Variants in RBFOX1 observed in about 807,000 individuals in gnomAD.
RBFOX1 encodes RNA binding protein fox-1 homolog 1.
RBFOX1 carries 8 observed loss-of-function variants against 57.7 expected under a neutral mutation model. That is an observed-to-expected ratio of 0.14 (90% CI 0.08 to 0.25). The LOEUF is 0.25. Among genes scored for constraint, RBFOX1 ranks in the 10% least tolerant of loss-of-function variants. The pLI is 1.00. For synonymous variants in RBFOX1, 326 were observed against 222.4 expected, an observed-to-expected ratio of 1.47 and a Z score of -4.15; for missense variants, 611 against 548.5, an observed-to-expected ratio of 1.11 and a Z score of -1.14.
At chr16:6,762,688 G>A (rs189965789) in intron 3 of RBFOX1, among the ~76,000 whole-genome samples, 159 of 152,244 alleles carry the variant, frequency 1.0e-3, no homozygotes, top group African/African-American at 3.7e-3. Flanking sequence ...TTTGTTTTGG[G>A]CCCCAGTGAT....
intron 3 of RBFOX1, among the ~76,000 whole-genome samples, chr16:5,841,476 C>G (rs567580423): frequency 6.6e-6 from 1 of 152,150 alleles, no homozygotes; most frequent in Non-Finnish European, 1.5e-5. Context: ...GTCCCTCCCA[C>G]AAAAAATTGC....
chr16:7,026,833 TG>T (rs754387904), intron 3 of RBFOX1, among the ~76,000 whole-genome samples: 22 of 152,366 alleles, frequency 1.4e-4, no homozygotes, highest in African/African-American at 2.2e-4. Context: ...CCTGCTGATC[TG>T]GACATTCCAG....
chr16:6,069,667 T>C (rs996262640), intron 1 of RBFOX1, among the ~76,000 whole-genome samples: 1 of 152,164 alleles, frequency 6.6e-6, no homozygotes, highest in Non-Finnish European at 1.5e-5. Flanking sequence ...AATGAAGTGG[T>C]TATAATCTTA....
chr16:6,327,212 T>G (rs140889567), intron 2 of RBFOX1, among the ~76,000 whole-genome samples: 1 of 152,170 alleles, frequency 6.6e-6, no homozygotes, highest in African/African-American at 2.4e-5. Context: ...CTGAAGCTGC[T>G]TAAGCATTGT....
chr16:6,927,822 A>G (rs933702946), intron 3 of RBFOX1, among the ~76,000 whole-genome samples: 4 of 152,226 alleles, frequency 2.6e-5, no homozygotes, highest in Admixed American at 2.0e-4. Flanking sequence ...GAAGCCTAAC[A>G]CTGAAGGAAA....
chr16:7,426,071 C>T (rs769232179), intron 4 of RBFOX1, among the ~76,000 whole-genome samples: 8 of 152,194 alleles, frequency 5.3e-5, no homozygotes, highest in Non-Finnish European at 8.8e-5. Flanking sequence ...AATAGAAAGG[C>T]TTATCTCGTT....
intron 1 of RBFOX1, among the ~76,000 whole-genome samples, chr16:6,129,508 CAG>C (rs754830385): frequency 7.9e-5 from 12 of 151,932 alleles, no homozygotes; most frequent in Non-Finnish European, 1.6e-4. Context: ...GTAAAATAAA[CAG>C]AGTCAGAGAT....
chr16:6,042,749 A>G (rs2095451880), intron 1 of RBFOX1, among the ~76,000 whole-genome samples: 1 of 152,198 alleles, frequency 6.6e-6, no homozygotes, highest in East Asian at 1.9e-4. Context: ...AGTTATAGGC[A>G]AAGACAAATC....
chr16:6,636,270 A>T (rs1050771234), intron 2 of RBFOX1, among the ~76,000 whole-genome samples: 1 of 152,110 alleles, frequency 6.6e-6, no homozygotes, highest in Non-Finnish European at 1.5e-5. Context: ...TCCCGGGTTC[A>T]TGCCATTCTC....
At chr16:6,058,779 A>G (rs59919581) in intron 1 of RBFOX1, among the ~76,000 whole-genome samples, 1 of 149,780 alleles carries the variant, frequency 6.7e-6, no homozygotes, top group Non-Finnish European at 1.5e-5. Flanking sequence ...TCACCCACCC[A>G]CCCACCAACT....
rs114847686 is a variant in RBFOX1, at chr16:5,853,706, G to T, written c.319-13597G>T. ...GTCCTGTAGACGAGGGAGGTGTGGG[G>T]GATAGAGAGGCAGGGTGGTACCCTA... On this transcript the variant is annotated intron_variant, in intron 3 of 19. Coordinates refer to the RBFOX1 transcript ENST00000641259. Among the ~76,000 whole-genome samples the T allele has an allele frequency of 2.2e-3, 329 of 152,276 alleles. 4 individuals carry two copies. Among genetic ancestry groups the T allele is most frequent in the African/African-American group, 7.5e-3 (310 of 41,550 alleles).
At chr16:6,677,835 C>G (rs2058004989) in intron 3 of RBFOX1, among the ~76,000 whole-genome samples, 2 of 152,102 alleles carry the variant, frequency 1.3e-5, no homozygotes, top group East Asian at 1.9e-4. Flanking sequence ...CTACCAGTGA[C>G]TTTTACCCCA....
At chr16:6,693,003 C>A (rs2060442180) in intron 3 of RBFOX1, among the ~76,000 whole-genome samples, 1 of 151,828 alleles carries the variant, frequency 6.6e-6, no homozygotes, top group African/African-American at 2.4e-5. Flanking sequence ...CCTCCACTAC[C>A]ATCACAACCA....
At chr16:5,654,170 A>C (rs534057480) in intron 3 of RBFOX1, among the ~76,000 whole-genome samples, 8 of 152,294 alleles carry the variant, frequency 5.3e-5, no homozygotes, top group African/African-American at 1.9e-4. Flanking sequence ...TCTGAGCCTC[A>C]GACCTCTTAT....
At chr16:7,270,334 A>G (rs1272576220) in intron 4 of RBFOX1, among the ~76,000 whole-genome samples, 3 of 152,228 alleles carry the variant, frequency 2.0e-5, no homozygotes, top group Non-Finnish European at 4.4e-5. Context: ...ACCAAACAGA[A>G]TTACTTGTTA....
intron 4 of RBFOX1, among the ~76,000 whole-genome samples, chr16:7,391,251 T>G (rs1439006634): frequency 6.6e-6 from 1 of 152,184 alleles, no homozygotes; most frequent in Non-Finnish European, 1.5e-5. Flanking sequence ...CAGTCTCTTT[T>G]TAGAATAGCA....
At chr16:6,549,836 A>T (rs2096959006) in intron 2 of RBFOX1, among the ~76,000 whole-genome samples, 2 of 152,100 alleles carry the variant, frequency 1.3e-5, no homozygotes, top group South Asian at 4.1e-4. Flanking sequence ...TCGATCCTAA[A>T]ACAAAAGGAA....
intron 2 of RBFOX1, among the ~76,000 whole-genome samples, chr16:6,394,531 A>C (rs982302074): frequency 6.6e-6 from 1 of 151,884 alleles, no homozygotes; most frequent in African/African-American, 2.4e-5. Flanking sequence ...TTCTGAAAGG[A>C]TGAGAAATTA....
At chr16:5,318,497 A>G (rs2064304898) in intron 1 of RBFOX1, among the ~76,000 whole-genome samples, 1 of 152,154 alleles carries the variant, frequency 6.6e-6, no homozygotes, top group Admixed American at 6.5e-5. Flanking sequence ...CTAAGAGTAA[A>G]TGATGCCTGT....
Sources: gnomAD v4.1 joint callset for allele counts (sites outside exome capture counted in the v4.1 genomes callset) on GRCh38, gnomAD v4.1.1 for gene constraint, MANE v1.5 for transcripts, NCBI Gene and HGNC (gene_info 2026-07-23, HGNC 2026-07-21) for gene names.